The following SLC39A12 variants were observed in gnomAD, a reference collection of about 807,000 sequenced individuals.
The protein encoded by SLC39A12 is zinc transporter ZIP12.
Under a neutral mutation model 71.1 loss-of-function variants are expected in SLC39A12, and 63 were observed. The ratio of observed to expected loss-of-function variants is 0.89; its 90% CI spans 0.72 to 1.09. The LOEUF (loss-of-function observed/expected upper bound fraction) is 1.09. Ranked by LOEUF, SLC39A12 falls within the 50% of genes least tolerant of loss-of-function variation. The probability of loss-of-function intolerance (pLI) is 0.00; values close to 1 mark genes in which losing one functional copy is unlikely to be tolerated. For missense variants in SLC39A12, 892 were observed against 812.6 expected (o/e 1.10, Z -1.19); for synonymous variants, 351 against 301.3 (o/e 1.16, Z -1.71).
At chr10:17,986,416 G>A (rs1324486284) in intron 6 of SLC39A12, among the ~76,000 whole-genome samples, 2 of 152,186 alleles carry the variant, frequency 1.3e-5, no homozygotes, top group Non-Finnish European at 2.9e-5. Flanking sequence ...TGGAGGTTGG[G>A]AAGTCCAAGA....
At chr10:17,952,856 T>C (rs1834439132) in intron 1 of SLC39A12, among the ~76,000 whole-genome samples, 1 of 152,222 alleles carries the variant, frequency 6.6e-6, no homozygotes, top group African/African-American at 2.4e-5. Flanking sequence ...ATGAGGACCA[T>C]GAATCACTTG....
intron 12 of SLC39A12, chr10:18,007,240 C>T (rs539304031): frequency 2.1e-4 from 32 of 152,368 alleles, no homozygotes; most frequent in African/African-American, 7.5e-4. Context: ...CAACCCAACC[C>T]TGGGAGGGGC....
At chr10:18,039,215 TGAGGAG>T (rs775579443) in intron 12 of SLC39A12, among the ~76,000 whole-genome samples, 15 of 151,428 alleles carry the variant, frequency 9.9e-5, no homozygotes, top group African/African-American at 1.5e-4. Flanking sequence ...GTTTGAAAAA[TGAGGAG>T]GAGGAGGAGG....
At chr10:18,019,321 A>T (rs1270569824) in intron 12 of SLC39A12, among the ~76,000 whole-genome samples, 1 of 151,680 alleles carries the variant, frequency 6.6e-6, no homozygotes, top group East Asian at 1.9e-4. Flanking sequence ...TATCTATTTT[A>T]TTAATCTTTT....
chr10:18,002,479 A>G (rs1035653299), intron 11 of SLC39A12: 3 of 152,260 alleles, frequency 2.0e-5, no homozygotes, highest in East Asian at 1.9e-4. Flanking sequence ...GCAGCAGGCC[A>G]GCAGAGATGT....
intron 10 of SLC39A12, among the ~76,000 whole-genome samples, chr10:17,997,530 A>G (rs1163727196): frequency 6.6e-6 from 1 of 152,176 alleles, no homozygotes; most frequent in South Asian, 2.1e-4. Context: ...AAAGAAGGAC[A>G]TGCCCAGTCA....
At chr10:17,999,103 C>A (rs1835761453) in intron 10 of SLC39A12, among the ~76,000 whole-genome samples, 1 of 151,954 alleles carries the variant, frequency 6.6e-6, no homozygotes, top group Non-Finnish European at 1.5e-5. Flanking sequence ...TCGAGACCAG[C>A]CTGACCATGT....
chr10:17,970,391 A>G (rs1469927458), intron 4 of SLC39A12, among the ~76,000 whole-genome samples: 2 of 152,148 alleles, frequency 1.3e-5, no homozygotes, highest in Non-Finnish European at 2.9e-5. Context: ...TGGACATTTT[A>G]ACAATATTTA....
At chr10:18,020,219 ATTTGG>A (rs1836493423) in intron 12 of SLC39A12, among the ~76,000 whole-genome samples, 1 of 151,890 alleles carries the variant, frequency 6.6e-6, no homozygotes, top group Admixed American at 6.6e-5. Flanking sequence ...AACATGCGGT[ATTTGG>A]TTTTCTGTTC....
At chr10:18,038,120 G>A (rs1038708343) in intron 12 of SLC39A12, among the ~76,000 whole-genome samples, 2 of 144,784 alleles carry the variant, frequency 1.4e-5, no homozygotes, top group African/African-American at 5.2e-5. Flanking sequence ...ACAGGAGCCT[G>A]TTGCAACTCC....
intron 12 of SLC39A12, among the ~76,000 whole-genome samples, chr10:18,037,747 G>C (rs1324350414): frequency 6.6e-6 from 1 of 152,132 alleles, no homozygotes; most frequent in Non-Finnish European, 1.5e-5. Context: ...AGCTAGGCCA[G>C]GTGCAGGGGC....
At position 17,981,325 on chromosome 10, in the gene SLC39A12, C is replaced by T. The variant is rs1835251571; in HGVS notation, c.938C>T (p.Ala313Val). The T allele has an allele frequency of 6.2e-7, 1 of 1,609,892 alleles. No individual in the cohort carries two copies. Among genetic ancestry groups the T allele is most frequent in the African/African-American group, 1.3e-5 (1 of 74,804 alleles). ...TTCCTCACACAGACCTGCTTCTCTG[C>T]TAGGCAGCTGGTGGAGATATTTCTA... is the stretch of plus-strand genomic sequence containing the variant. The part of the protein sequence containing the change: ...PVSWDQTCFS[A>V]RQLVEIFLQK... The change falls in exon 6 of 13, where the codon GCT becomes GTT. Residue 313 changes from alanine to valine, a missense_variant. By Grantham distance (64) the Ala-to-Val change is moderately conservative (BLOSUM62 0). Coordinates refer to ENST00000377369, the MANE Select transcript of SLC39A12 (RefSeq NM_001145195.2).
intron 11 of SLC39A12, chr10:18,001,746 G>A (rs1835839951): frequency 6.6e-6 from 1 of 152,046 alleles, no homozygotes; most frequent in African/African-American, 2.4e-5. Flanking sequence ...TTTTGATACA[G>A]GTATGTAATG....
chr10:18,035,649 G>A (rs573069374), intron 12 of SLC39A12, among the ~76,000 whole-genome samples: 6 of 152,134 alleles, frequency 3.9e-5, no homozygotes, highest in East Asian at 1.9e-4. Flanking sequence ...CTCTCAGCTC[G>A]TCAAAGTCAT....
chr10:17,953,230 A>G lies in SLC39A12; in HGVS notation c.-47A>G, dbSNP rs1032770258. 4.4e-6 allele frequency: 7 copies of G among 1,584,880 alleles called. No homozygotes were observed. In the East Asian group the frequency reaches 1.3e-4, roughly 30 times the overall value. The stretch of plus-strand genomic sequence containing the variant: ...ACAAGTTTACCCCATAAACGGCAAC[A>G]CACTCACCTCCATCCAAGACAGACT... On this transcript the variant is annotated 5_prime_UTR_variant, in exon 2 of 13. Transcript: ENST00000377369.
At chr10:18,036,655 G>A (rs1001811716) in intron 12 of SLC39A12, among the ~76,000 whole-genome samples, 7 of 150,046 alleles carry the variant, frequency 4.7e-5, no homozygotes, top group Non-Finnish European at 1.0e-4. Context: ...GTTCCTATTC[G>A]GCCATCTTGG....
intron 12 of SLC39A12, among the ~76,000 whole-genome samples, chr10:18,030,731 G>C (rs1399897636): frequency 6.7e-6 from 1 of 149,826 alleles, no homozygotes; most frequent in Non-Finnish European, 1.5e-5. Context: ...ATGCTGGTGT[G>C]CTGCACCCAC....
At chr10:18,007,540 C>G (rs779978741) in intron 12 of SLC39A12, among the ~76,000 whole-genome samples, 1 of 152,172 alleles carries the variant, frequency 6.6e-6, no homozygotes, top group Non-Finnish European at 1.5e-5. Flanking sequence ...AAAGAAAAAA[C>G]AAGTTTATTA....
chr10:18,042,320 A>G lies in SLC39A12; in HGVS notation c.1948-385A>G, dbSNP rs76229520. Among the ~76,000 whole-genome samples, 174 of 152,168 alleles carry G rather than the reference A, an allele frequency of 1.1e-3. 4 individuals carry two copies. In the East Asian group the frequency reaches 0.026, roughly 22 times the overall value. ...CAGGGAAACCCCATCTCTACAAAAA[A>G]ATGCAAAAATTAGCTGGGTGCAATG... On this transcript the variant is annotated intron_variant, in intron 12 of 12. Coordinates refer to ENST00000377369, the MANE Select transcript of SLC39A12 (RefSeq NM_001145195.2).
Sources: allele counts gnomAD v4.1 joint callset (sites outside exome capture counted in the v4.1 genomes callset), GRCh38; gene constraint gnomAD v4.1.1; transcripts MANE v1.5; gene names NCBI Gene and HGNC (gene_info 2026-07-23, HGNC 2026-07-21).